The following SENP1 variants were observed in gnomAD, a reference collection of about 807,000 sequenced individuals.
SENP1 encodes the protein SUMO specific peptidase 1.
SENP1 carries 21 observed loss-of-function variants against 93.0 expected under a neutral mutation model. The ratio of observed to expected loss-of-function variants is 0.23; its 90% CI spans 0.16 to 0.33. The LOEUF (loss-of-function observed/expected upper bound fraction) is 0.33. SENP1 is among the 10% of genes least tolerant of loss of function. The pLI, the probability that SENP1 is intolerant of heterozygous loss-of-function variation, is 1.00. For missense variants in SENP1, 591 were observed against 758.7 expected, an observed-to-expected ratio of 0.78 and a Z score of 2.60; for synonymous variants, 256 against 259.6, an observed-to-expected ratio of 0.99 and a Z score of 0.13.
At chr12:48,085,715 C>CAAAAAAA (rs200416260) in intron 5 of SENP1, among the ~76,000 whole-genome samples, 1 of 116,320 alleles carries the variant, frequency 8.6e-6, no homozygotes. Flanking sequence ...TTGCTTCTCT[C>CAAAAAAA]AAAAAAAAAA....
chr12:48,083,681 A>T lies in SENP1; in HGVS notation c.462T>A (p.Pro154=), dbSNP rs1448640897. The part of the protein sequence containing the change: ...SAYEKSFPIK[P]VPSPSWSGSC... ...AACCACTCCAAGATGGACTTGGAAC[A>T]GGTTTAATAGGAAAAGATTTTTCAT... Residue 154 remains proline, a synonymous_variant, in exon 6 of 18, where the codon CCT becomes CCA. Coordinates refer to ENST00000549518, the MANE Select transcript of SENP1 (RefSeq NM_001267594.2). The T allele has an allele frequency of 1.2e-6, 2 of 1,613,154 alleles. No homozygotes were observed. Among genetic ancestry groups the T allele is most frequent in the African/African-American group, 2.7e-5 (2 of 75,062 alleles).
chr12:48,088,206 C>A (rs1945009075), intron 5 of SENP1, among the ~76,000 whole-genome samples: 1 of 152,092 alleles, frequency 6.6e-6, no homozygotes, highest in Non-Finnish European at 1.5e-5. Context: ...GCACACACCA[C>A]CATGCCTGGC....
At chr12:48,049,475 T>C (rs915960389) in intron 13 of SENP1, among the ~76,000 whole-genome samples, 1 of 152,184 alleles carries the variant, frequency 6.6e-6, no homozygotes, top group Non-Finnish European at 1.5e-5. Context: ...GAGGAAGGCA[T>C]GCAAGCAGTT....
chr12:48,068,462 T>C, intron 9 of SENP1, among the ~76,000 whole-genome samples: 1 of 152,150 alleles, frequency 6.6e-6, no homozygotes, highest in Admixed American at 6.5e-5. Context: ...TAAAAAAGAA[T>C]TATTACTCAT....
chr12:48,064,882 G>C (rs1206758789), intron 12 of SENP1, among the ~76,000 whole-genome samples, 183 bp downstream of exon 12: 1 of 152,108 alleles, frequency 6.6e-6, no homozygotes, highest in Non-Finnish European at 1.5e-5. Flanking sequence ...TTACCATGTT[G>C]GCCAGGCTGG....
At chr12:48,065,416 T>C (rs552244426) in intron 11 of SENP1, among the ~76,000 whole-genome samples, 180 bp downstream of exon 11, 7 of 152,350 alleles carry the variant, frequency 4.6e-5, no homozygotes, top group African/African-American at 1.7e-4. Flanking sequence ...ATTTGTCTTA[T>C]GTACAATGAG....
chr12:48,055,660 A>G lies in SENP1; in HGVS notation c.1408-6528T>C, dbSNP rs928741880. ...CTTGAAATGTGACTAATCCAACCGG[A>G]GATGTGCTATAAGTGTAAAATCCAC... On this transcript the variant is annotated intron_variant, in intron 13 of 17. Coordinates refer to ENST00000549518, the MANE Select transcript of SENP1 (RefSeq NM_001267594.2). 3 of 151,874 alleles carry G rather than the reference A, an allele frequency of 2.0e-5. No homozygotes were observed. The Admixed American group carries it at 2.0e-4, about 10-fold the overall frequency. The allele number at this position is 151,874 out of a possible 1,614,324, so 9.4% of individuals were successfully genotyped here. A position where few individuals can be genotyped will look rare whatever the true frequency, so the allele number is the denominator to read the frequency against.
At chr12:48,075,855 A>T (rs918598145) in intron 6 of SENP1, among the ~76,000 whole-genome samples, 2 of 152,150 alleles carry the variant, frequency 1.3e-5, no homozygotes, top group Non-Finnish European at 2.9e-5. Context: ...TTTCTCTAAA[A>T]AAAAGTGATA....
At chr12:48,045,426 T>C (rs1329024898) in intron 17 of SENP1, 42 bp from the exon 18 acceptor site, 2 of 1,549,332 alleles carry the variant, frequency 1.3e-6, no homozygotes, top group Non-Finnish European at 1.8e-6. Context: ...AATGCTTTTG[T>C]CTAGACCTGA....
At chr12:48,080,450 T>C (rs1290032736) in intron 6 of SENP1, 1 of 152,310 alleles carries the variant, frequency 6.6e-6, no homozygotes, top group African/African-American at 2.4e-5. Flanking sequence ...GACTGAGCAG[T>C]GCAGTGGTGA....
intron 2 of SENP1, among the ~76,000 whole-genome samples, chr12:48,098,768 C>T (rs1425860096): frequency 2.6e-5 from 4 of 151,738 alleles, no homozygotes. Flanking sequence ...GCTATCATCA[C>T]ACCACTGCAC....
chr12:48,048,856 C>G, intron 14 of SENP1, 73 bp downstream of exon 14: 2 of 1,114,534 alleles, frequency 1.8e-6, no homozygotes, highest in Non-Finnish European at 2.7e-6. Context: ...TGTAGAACTA[C>G]TACTCACTAC....
rs762446340 is a variant in SENP1, at chr12:48,098,106, A to G, written c.23T>C (p.Met8Thr). The change falls in exon 3 of 18, where the codon ATG (methionine) becomes ACG (threonine). Residue 8 changes from methionine to threonine, a missense_variant. Physicochemically the swap from Met to Thr is moderately conservative, Grantham distance 81. Coordinates refer to ENST00000549518, the MANE Select transcript of SENP1 (RefSeq NM_001267594.2). ...AGTCACTTCTCCAGCATCCATCCTC[A>G]TCCTATCAGCAATATCATCTGGGGA... MDDIADR[M>T]RMDAGEVTLV... The G allele has an allele frequency of 3.7e-6, 6 of 1,613,522 alleles. No individual in the cohort carries two copies. The East Asian group carries it at 1.3e-4, about 36-fold the overall frequency.
At chr12:48,079,780 T>G (rs1390425663) in intron 6 of SENP1, among the ~76,000 whole-genome samples, 1 of 141,912 alleles carries the variant, frequency 7.0e-6, no homozygotes, top group East Asian at 2.8e-4. Context: ...AGGACACTAG[T>G]AAACTGTTTT....
At chr12:48,099,927 T>C (rs74620141) in intron 2 of SENP1, among the ~76,000 whole-genome samples, 8,965 of 152,280 alleles carry the variant, frequency 0.059, 356 homozygotes, top group Non-Finnish European at 0.093. Context: ...TTCAGAACCA[T>C]TTTTGATACC....
At chr12:48,096,289 T>C (rs1945550688) in intron 4 of SENP1, 54 bp downstream of exon 4, 1 of 956,130 alleles carries the variant, frequency 1.0e-6, no homozygotes, top group African/African-American at 1.6e-5. Context: ...AACGATATGC[T>C]ATCAAGAAAT....
chr12:48,082,824 T>C (rs1031442237), intron 6 of SENP1, among the ~76,000 whole-genome samples: 28 of 152,202 alleles, frequency 1.8e-4, no homozygotes, highest in Admixed American at 3.9e-4. Flanking sequence ...AGGATGTATA[T>C]TGTTTAACTA....
At chr12:48,103,513 A>G (rs1300486807) in intron 1 of SENP1, among the ~76,000 whole-genome samples, 1 of 152,208 alleles carries the variant, frequency 6.6e-6, no homozygotes, top group East Asian at 1.9e-4. Context: ...TTTACTACAA[A>G]TACATCCAGC....
At position 48,046,920 on chromosome 12, in the gene SENP1, T is replaced by C. The variant is rs1048825395; in HGVS notation, c.1776+58A>G. On this transcript the variant is annotated intron_variant, in intron 16 of 17. Coordinates refer to ENST00000549518, the MANE Select transcript of SENP1 (RefSeq NM_001267594.2). The stretch of plus-strand genomic sequence containing the variant: ...GTCCCTGGGAATTAAGCAGTAAAAT[T>C]CTTTCCTCCCCAAATACCCTACTTT... The C allele has an allele frequency of 2.6e-6, 3 of 1,156,686 alleles. No homozygotes were observed. The South Asian group carries it at 3.8e-5, about 15-fold the overall frequency. 71.7% of individuals were successfully genotyped at this position (1,156,686 alleles called of 1,614,324 possible).
Sources: allele counts gnomAD v4.1 joint callset (sites outside exome capture counted in the v4.1 genomes callset), GRCh38; gene constraint gnomAD v4.1.1; transcripts MANE v1.5; gene names NCBI Gene and HGNC (gene_info 2026-07-23, HGNC 2026-07-21).